DNASE1L1: variants seen among roughly 807,000 people sequenced by gnomAD.
DNASE1L1 encodes deoxyribonuclease-1-like 1.
In DNASE1L1, 8 loss-of-function variants were observed where a neutral mutation model predicts 18.6. That is an observed-to-expected ratio of 0.43 (90% CI 0.25 to 0.78). The LOEUF is 0.78. DNASE1L1 is among the 30% of genes least tolerant of loss of function. The pLI is 0.23. For synonymous variants in DNASE1L1, 114 were observed against 114.2 expected, an observed-to-expected ratio of 1.00 and a Z score of 0.01; for missense variants, 214 against 258.2, an observed-to-expected ratio of 0.83 and a Z score of 1.17.
chrX:154,405,102 G>C lies in DNASE1L1; in HGVS notation c.136-19C>G, dbSNP rs1311862417. The C allele has an allele frequency of 8.3e-7, 1 of 1,200,676 alleles. No homozygotes were observed. Among genetic ancestry groups the C allele is most frequent in the African/African-American group, 1.7e-5 (1 of 57,297 alleles). ...CCAGTATCTGTGGGACATCAGGAAG[G>C]CCAGCCTGACTCAGTGCCAACTGCC... On this transcript the variant is annotated intron_variant, in intron 2 of 7. Coordinates refer to ENST00000369807, the MANE Select transcript of DNASE1L1 (RefSeq NM_001303620.2).
Position 154,402,588 on chromosome X carries a change from G to T in DNASE1L1, c.*119C>A. 5.6e-6 allele frequency: 4 copies of T among 710,007 alleles called. 1 individual carries two copies. The highest frequency in any genetic ancestry group is 8.1e-6 in the Non-Finnish European group (4 of 493,409). 58.5% of individuals were successfully genotyped at this position (710,007 alleles called of 1,213,427 possible). A position where few individuals can be genotyped will look rare whatever the true frequency, so the allele number is the denominator to read the frequency against. ...GCCAAATCAAACAAGGCAGGCAGGG[G>T]TGGACTACAGTCACAGGGCAACTAT... is the stretch of plus-strand genomic sequence containing the variant. On this transcript the variant is annotated 3_prime_UTR_variant, in exon 8 of 8. Transcript: ENST00000369807.
rs782217648 is a variant in DNASE1L1, at chrX:154,407,587, C to CT, written c.-88+1524dup. Among the ~76,000 whole-genome samples the CT allele has an allele frequency of 7.0e-3, 524 of 74,753 alleles. 89 individuals are homozygous for CT. Among genetic ancestry groups the CT allele is most frequent in the African/African-American group, 0.021 (353 of 17,106 alleles). 64.9% of individuals were successfully genotyped at this position (74,753 alleles called of 115,157 possible). On this transcript the variant is annotated intron_variant, in intron 1 of 7. Coordinates refer to ENST00000369807, the MANE Select transcript of DNASE1L1 (RefSeq NM_001303620.2). ...ACCCACTGCGCCTGGCCTAGTCTAC[C>CT]TTTTTTTTTTTTTTTTTTTTTTTTT...
chrX:154,404,918 C>T lies in DNASE1L1; in HGVS notation c.225-4G>A. ...GTAGGGCCCAGAGCCATCAAATCTG[C>T]CAAGAAAAGGGGAGGCGGGGTCAGG... On this transcript the variant is annotated splice_region_variant and splice_polypyrimidine_tract_variant and intron_variant, in intron 3 of 7. Transcript: ENST00000369807. The T allele has an allele frequency of 8.3e-7, 1 of 1,210,419 alleles. No individual in the cohort carries two copies. Among genetic ancestry groups the T allele is most frequent in the Non-Finnish European group, 1.1e-6 (1 of 894,680 alleles).
At chrX:154,406,252 G>A (rs191652430) in intron 1 of DNASE1L1, among the ~76,000 whole-genome samples, 48 of 110,805 alleles carry the variant, frequency 4.3e-4, no homozygotes, top group South Asian at 1.5e-3. Context: ...TTACAGGCGT[G>A]AGCCACCGCA....
chrX:154,405,706 TCCC>T, intron 1 of DNASE1L1, 51 bp from the exon 2 acceptor site: 1 of 584,357 alleles, frequency 1.7e-6, no homozygotes, highest in Non-Finnish European at 2.5e-6. Flanking sequence ...AGCACCAGCC[TCCC>T]AGTGACCTCC....
intron 2 of DNASE1L1, 132 bp from the exon 3 acceptor site, chrX:154,405,215 G>T (rs2148158253): frequency 1.2e-6 from 1 of 828,322 alleles, no homozygotes; most frequent in Non-Finnish European, 1.7e-6. Flanking sequence ...GAAAGCAGTG[G>T]GACTGGAAAT....
chrX:154,404,147 C>CTTTTTT (rs35330789), intron 4 of DNASE1L1, among the ~76,000 whole-genome samples: 98 of 65,267 alleles, frequency 1.5e-3, no homozygotes, highest in African/African-American at 5.5e-3. Context: ...TGATGTCATT[C>CTTTTTT]TTTTTTTTTT....
At chrX:154,403,688 C>T (rs1308029292) in intron 4 of DNASE1L1, 66 bp from the exon 5 acceptor site, 2 of 986,600 alleles carry the variant, frequency 2.0e-6, no homozygotes, top group Admixed American at 2.3e-5. Flanking sequence ...AAGTGCCAAA[C>T]GGCGCTCAGG....
upstream of DNASE1L1, among the ~76,000 whole-genome samples, chrX:154,411,156 A>G (rs911084683): frequency 8.9e-6 from 1 of 111,946 alleles, no homozygotes; most frequent in African/African-American, 3.2e-5. Flanking sequence ...GTCAAATTGT[A>G]TATGTGGCTG....
upstream of DNASE1L1, chrX:154,411,573 C>G (rs888099490): frequency 2.5e-6 from 1 of 400,127 alleles, no homozygotes; most frequent in Non-Finnish European, 4.5e-6. Context: ...GGGGTGCCAG[C>G]GCCCGCCTTC....
chrX:154,402,620 A>G lies in DNASE1L1; in HGVS notation c.*87T>C. The G allele has an allele frequency of 1.1e-6, 1 of 913,379 alleles. No individual in the cohort carries two copies. The highest frequency in any genetic ancestry group is 1.5e-6 in the Non-Finnish European group (1 of 672,399). 75.3% of individuals were successfully genotyped at this position (913,379 alleles called of 1,213,427 possible). A position where few individuals can be genotyped will look rare whatever the true frequency, so the allele number is the denominator to read the frequency against. ...ACAGTCACAGGGCAACTATAGTTGA[A>G]GCCCCCCAGCCCCAGGGCTGGATGG... On this transcript the variant is annotated 3_prime_UTR_variant, in exon 8 of 8. Transcript: ENST00000369807.
chrX:154,403,807 A>G (rs2068095231), intron 4 of DNASE1L1, 185 bp from the exon 5 acceptor site: 2 of 438,630 alleles, frequency 4.6e-6, no homozygotes, highest in Admixed American at 8.1e-5. Flanking sequence ...ACCTGCTTCA[A>G]GTATACAACA....
In DNASE1L1 at chrX:154,405,101, G is replaced by A; in HGVS notation, c.136-18C>T. The A allele has an allele frequency of 1.7e-6, 2 of 1,202,922 alleles. No homozygotes were observed. Among genetic ancestry groups the A allele is most frequent in the Middle Eastern group, 2.3e-4 (1 of 4,319 alleles). On this transcript the variant is annotated intron_variant, in intron 2 of 7. Coordinates refer to ENST00000369807, the MANE Select transcript of DNASE1L1 (RefSeq NM_001303620.2). ...GCCAGTATCTGTGGGACATCAGGAA[G>A]GCCAGCCTGACTCAGTGCCAACTGC...
At chrX:154,407,126 C>G (rs1163378526) in intron 1 of DNASE1L1, among the ~76,000 whole-genome samples, 1 of 105,305 alleles carries the variant, frequency 9.5e-6, no homozygotes. Flanking sequence ...CATCACAGCT[C>G]ACTGCAGCCT....
In DNASE1L1 at chrX:154,405,034, G is replaced by A; in HGVS notation, c.185C>T (p.Ser62Phe). 8.3e-7 allele frequency: 1 copy of A among 1,211,356 alleles called. No homozygotes were observed. The highest frequency in any genetic ancestry group is 1.1e-6 in the Non-Finnish European group (1 of 895,219). ...AAGCAGGAGCGGGATGGCGCTGCCG[G>A]AAGAGTCCACCACCTCCTGCAGCAC... ...IMVLQEVVDS[S>F]GSAIPLLLRE... The change falls in exon 3 of 8, where the codon TCC (serine) becomes TTC (phenylalanine). Residue 62 changes from serine (S) to phenylalanine (F), a missense_variant. Transcript: ENST00000369807.
In DNASE1L1 at chrX:154,402,828, C is replaced by A. The variant is rs782540310; in HGVS notation, c.788G>T (p.Ser263Ile). Reference sequence around the variant, plus strand: ...CTCCACCTCCACGGGGTAGTGGTCACTGATGTTGAGGGCCTGGGAATGGGT... The same window carrying A: ...CTCCACCTCCACGGGGTAGTGGTCAATGATGTTGAGGGCCTGGGAATGGGT... ...QLTEEEALNISDHYPVEVELK... is the reference protein window; with the variant it reads ...QLTEEEALNIIDHYPVEVELK... Residue 263 changes from serine to isoleucine, a missense_variant, in exon 8 of 8, where the codon AGT becomes ATT. By Grantham distance (142) the Ser-to-Ile change is moderately radical. Transcript: ENST00000369807. The A allele has an allele frequency of 5.0e-6, 6 of 1,209,827 alleles. No individual in the cohort carries two copies. In the South Asian group the frequency reaches 1.1e-4, roughly 21 times the overall value.
upstream of DNASE1L1, chrX:154,411,762 C>T (rs1310401484): frequency 1.4e-5 from 13 of 930,597 alleles, no homozygotes; most frequent in Non-Finnish European, 1.6e-5. Context: ...GCCAGTGTCT[C>T]GAGCGGTCGA....
At chrX:154,412,037 C>A (rs1203309195), upstream of DNASE1L1, 9 of 1,206,160 alleles carry the variant, frequency 7.5e-6, no homozygotes, top group Non-Finnish European at 9.0e-6. Context: ...CGCCGCGGCC[C>A]CGACCTAGCG....
Position 154,403,023 on chromosome X carries a change from C to T in DNASE1L1, c.693G>A (p.Leu231=). The part of the protein sequence containing the change: ...STHCTYDRVV[L]HGERCRSLLH... ...GCAGACTCCGGCAGCGCTCCCCGTGCAGCACGACGCGGTCATAGGTGCAGT... is the reference window on the plus strand; with the variant it reads ...GCAGACTCCGGCAGCGCTCCCCGTGTAGCACGACGCGGTCATAGGTGCAGT... Residue 231 remains leucine (L), a synonymous_variant, in exon 7 of 8, where the codon CTG becomes CTA. Coordinates refer to ENST00000369807, the MANE Select transcript of DNASE1L1 (RefSeq NM_001303620.2). 1.7e-6 allele frequency: 2 copies of T among 1,211,779 alleles called. No homozygotes were observed. Among genetic ancestry groups the T allele is most frequent in the African/African-American group, 3.5e-5 (2 of 57,934 alleles).
Sources: gnomAD v4.1 joint callset for allele counts (sites outside exome capture counted in the v4.1 genomes callset) on GRCh38, gnomAD v4.1.1 for gene constraint, MANE v1.5 for transcripts, NCBI Gene and HGNC (gene_info 2026-07-23, HGNC 2026-07-21) for gene names.